Variants in AKAP6 observed in about 807,000 individuals in gnomAD.
AKAP6 encodes the protein A-kinase anchoring protein 6, also known as A-kinase anchor protein 6.
A neutral mutation model predicts 188.5 loss-of-function variants in AKAP6; 58 were observed. The ratio of observed to expected loss-of-function variants is 0.31; its 90% confidence interval spans 0.25 to 0.38. AKAP6 has a LOEUF of 0.38. Among genes scored for constraint, AKAP6 ranks in the 10% least tolerant of loss-of-function variants. AKAP6 has a pLI of 1.00. For synonymous variants in AKAP6, 989 were observed against 998.6 expected (o/e 0.99, Z 0.18); for missense variants, 2,710 against 2,740.0 (o/e 0.99, Z 0.24).
intron 12 of AKAP6, among the ~76,000 whole-genome samples, chr14:32,802,400 CA>C: frequency 6.6e-6 from 1 of 152,140 alleles, no homozygotes; most frequent in Admixed American, 6.5e-5. Flanking sequence ...AAGTGATTCA[CA>C]AAGTAATAAA....
intron 7 of AKAP6, among the ~76,000 whole-genome samples, chr14:32,662,196 G>C (rs999942818): frequency 6.6e-6 from 1 of 152,022 alleles, no homozygotes; most frequent in East Asian, 1.9e-4. Flanking sequence ...AAATTTTATA[G>C]TTCTCTTTAA....
intron 1 of AKAP6, among the ~76,000 whole-genome samples, chr14:32,337,593 TTAAG>T: frequency 6.6e-6 from 1 of 152,114 alleles, no homozygotes; most frequent in Non-Finnish European, 1.5e-5. Context: ...TTATTATACT[TTAAG>T]TTTTAGGGTA....
intron 9 of AKAP6, among the ~76,000 whole-genome samples, chr14:32,708,188 G>A (rs1345185224): frequency 1.3e-5 from 2 of 152,014 alleles, no homozygotes; most frequent in African/African-American, 2.4e-5. Context: ...AGAAATGGTA[G>A]GTATAGAAGC....
intron 12 of AKAP6, among the ~76,000 whole-genome samples, chr14:32,781,366 G>T (rs539598966): frequency 1.3e-5 from 2 of 148,630 alleles, no homozygotes; most frequent in Non-Finnish European, 3.0e-5. Context: ...AAAAAAAAGA[G>T]AATATGAAGG....
chr14:32,583,627 C>T (rs1328513553), intron 5 of AKAP6, among the ~76,000 whole-genome samples: 8 of 152,204 alleles, frequency 5.3e-5, no homozygotes, highest in African/African-American at 1.4e-4. Context: ...ATGGGCTCCA[C>T]CCAGTTCGAG....
chr14:32,696,136 C>T, intron 9 of AKAP6, 26 bp downstream of exon 9: 2 of 1,578,660 alleles, frequency 1.3e-6, no homozygotes, highest in Non-Finnish European at 1.7e-6. Flanking sequence ...CCTGCCTTTA[C>T]CTTGCTGTGG....
chr14:32,394,427 A>G (rs1566480720), intron 1 of AKAP6, among the ~76,000 whole-genome samples: 4 of 152,170 alleles, frequency 2.6e-5, no homozygotes, highest in Admixed American at 2.6e-4. Flanking sequence ...GTAGAGTACG[A>G]CCTGTGGTCT....
At chr14:32,443,988 G>T (rs1168567244) in intron 2 of AKAP6, among the ~76,000 whole-genome samples, 5 of 152,104 alleles carry the variant, frequency 3.3e-5, no homozygotes, top group Admixed American at 3.3e-4. Context: ...TTTCTTGTCT[G>T]GAGCCAAGGC....
At chr14:32,446,910 A>T (rs1566507516) in intron 2 of AKAP6, among the ~76,000 whole-genome samples, 1 of 152,116 alleles carries the variant, frequency 6.6e-6, no homozygotes, top group African/African-American at 2.4e-5. Context: ...TCACACTTAA[A>T]TTATTTGTTT....
chr14:32,370,969 C>A (rs558342639), intron 1 of AKAP6, among the ~76,000 whole-genome samples: 2 of 152,106 alleles, frequency 1.3e-5, no homozygotes, highest in Non-Finnish European at 2.9e-5. Flanking sequence ...GTGAACAGAT[C>A]ATCCTTTTTA....
At chr14:32,585,072 A>G (rs1885172668) in intron 5 of AKAP6, among the ~76,000 whole-genome samples, 1 of 150,008 alleles carries the variant, frequency 6.7e-6, no homozygotes, top group Non-Finnish European at 1.5e-5. Context: ...TAGTATCCTT[A>G]GAATTAAGAG....
intron 1 of AKAP6, among the ~76,000 whole-genome samples, chr14:32,371,518 G>A (rs528774275): frequency 6.6e-6 from 1 of 152,302 alleles, no homozygotes; most frequent in African/African-American, 2.4e-5. Flanking sequence ...GAAGCTGGGG[G>A]ATTGCTTGAG....
intron 12 of AKAP6, among the ~76,000 whole-genome samples, chr14:32,801,339 T>TA (rs1594960417): frequency 6.6e-6 from 1 of 152,182 alleles, no homozygotes; most frequent in East Asian, 1.9e-4. Flanking sequence ...GAGCTTGCCA[T>TA]AAACATTTTA....
In AKAP6 at chr14:32,685,293, GAAA is replaced by G. The variant is rs1209869945; in HGVS notation, c.2879+6836_2879+6838del. ...AATAAATTACTTAATTAAGAAAGGG[GAAA>G]ATTTAAGATACAGAGTGTTATGGGA... On this transcript the variant is annotated intron_variant, in intron 8 of 13. Coordinates refer to ENST00000280979, the MANE Select transcript of AKAP6 (RefSeq NM_004274.5). Among the ~76,000 whole-genome samples the G allele has an allele frequency of 4.6e-5, 7 of 152,128 alleles. No homozygotes were observed. In the East Asian group the frequency reaches 1.4e-3, roughly 29 times the overall value.
At chr14:32,340,945 A>G (rs907226653) in intron 1 of AKAP6, among the ~76,000 whole-genome samples, 6 of 152,236 alleles carry the variant, frequency 3.9e-5, no homozygotes, top group African/African-American at 1.4e-4. Flanking sequence ...CCTGCCTCCT[A>G]ATATCATCAC....
chr14:32,709,315 ATT>A (rs35211792), intron 9 of AKAP6, among the ~76,000 whole-genome samples: 1 of 148,732 alleles, frequency 6.7e-6, no homozygotes, highest in East Asian at 2.0e-4. Context: ...GAGCACAACG[ATT>A]TTTTTTTTTA....
At chr14:32,756,217 T>C (rs10136778) in intron 11 of AKAP6, among the ~76,000 whole-genome samples, 53,870 of 152,012 alleles carry the variant, frequency 0.35, 12,630 homozygotes, top group African/African-American at 0.67. Context: ...GTGTCTGTGG[T>C]GGCTGGGTGC....
In AKAP6 at chr14:32,590,796, T is replaced by C. The variant is rs544112617; in HGVS notation, c.2470-8614T>C. Reference sequence around the variant, plus strand: ...TAAAATGTTAACTCCGATATTTGAATGTTTTTTAATTTCAGAGGTAAATGT... The same window carrying C: ...TAAAATGTTAACTCCGATATTTGAACGTTTTTTAATTTCAGAGGTAAATGT... On this transcript the variant is annotated intron_variant, in intron 5 of 13. Coordinates refer to ENST00000280979, the MANE Select transcript of AKAP6 (RefSeq NM_004274.5). Among the ~76,000 whole-genome samples the C allele has an allele frequency of 7.2e-5, 11 of 152,358 alleles. No individual in the cohort carries two copies. The South Asian group carries it at 2.3e-3, about 32-fold the overall frequency.
rs535710837 is a variant in AKAP6, at chr14:32,441,247, A to G, written c.324+7430A>G. On this transcript the variant is annotated intron_variant, in intron 2 of 13. Transcript: ENST00000280979. ...GTTGGATACTAGTGGTCAAGTGTATAGAGAGTGTGGTTTCATTATGGTGGT... is the reference window on the plus strand; with the variant it reads ...GTTGGATACTAGTGGTCAAGTGTATGGAGAGTGTGGTTTCATTATGGTGGT... Among the ~76,000 whole-genome samples the G allele has an allele frequency of 1.3e-3, 195 of 152,322 alleles. 1 individual carries two copies. The highest frequency in any genetic ancestry group is 4.4e-3 in the African/African-American group (184 of 41,570).
Sources: gnomAD v4.1 joint callset for allele counts (sites outside exome capture counted in the v4.1 genomes callset) on GRCh38, gnomAD v4.1.1 for gene constraint, MANE v1.5 for transcripts, NCBI Gene and HGNC (gene_info 2026-07-23, HGNC 2026-07-21) for gene names.